MYO1B: variants seen among roughly 807,000 people sequenced by gnomAD.
MYO1B encodes the protein myosin IB.
MYO1B carries 72 observed loss-of-function variants against 159.7 expected under a neutral mutation model. The observed-to-expected ratio is 0.45, with a 90% CI of 0.37 to 0.55. The LOEUF (loss-of-function observed/expected upper bound fraction) is 0.55, where lower values mean the gene tolerates loss of function less well. Among genes scored for constraint, MYO1B ranks in the 20% least tolerant of loss-of-function variants. The pLI is 0.00. For missense variants in MYO1B, 1,062 were observed against 1,364.8 expected (o/e 0.78, Z 3.50); for synonymous variants, 468 against 473.8 (o/e 0.99, Z 0.16).
At chr2:191,370,933 C>G (rs112951257) in intron 13 of MYO1B, 1 of 152,000 alleles carries the variant, frequency 6.6e-6, no homozygotes, top group Admixed American at 6.6e-5. Flanking sequence ...ATATTTAAAC[C>G]ATTTGTGCTT....
At chr2:191,343,054 T>C (rs1692325317) in intron 5 of MYO1B, among the ~76,000 whole-genome samples, 1 of 152,186 alleles carries the variant, frequency 6.6e-6, no homozygotes, top group Admixed American at 6.5e-5. Flanking sequence ...GGATGGCCTG[T>C]CCTGTGCATC....
chr2:191,348,634 C>G (rs1042930970), intron 6 of MYO1B, among the ~76,000 whole-genome samples: 1 of 152,090 alleles, frequency 6.6e-6, no homozygotes, highest in Non-Finnish European at 1.5e-5. Flanking sequence ...TGGGCCTGTT[C>G]CTGTGACTCT....
At chr2:191,283,876 G>A (rs1688209259) in intron 2 of MYO1B, among the ~76,000 whole-genome samples, 1 of 152,200 alleles carries the variant, frequency 6.6e-6, no homozygotes, top group African/African-American at 2.4e-5. Context: ...AAATGACCTG[G>A]ACAAATAATC....
At chr2:191,283,139 A>G (rs1467882134) in intron 2 of MYO1B, among the ~76,000 whole-genome samples, 1 of 152,216 alleles carries the variant, frequency 6.6e-6, no homozygotes, top group Admixed American at 6.5e-5. Context: ...AACCCATGCA[A>G]ACTTTCCTAC....
At chr2:191,284,831 A>G (rs1313936538) in intron 2 of MYO1B, among the ~76,000 whole-genome samples, 2 of 152,024 alleles carry the variant, frequency 1.3e-5, no homozygotes, top group Non-Finnish European at 2.9e-5. Flanking sequence ...ACAGCGTTTC[A>G]CCATTTTGGC....
chr2:191,275,623 C>G (rs1220354896), intron 1 of MYO1B, among the ~76,000 whole-genome samples: 2 of 152,072 alleles, frequency 1.3e-5, no homozygotes, highest in Non-Finnish European at 2.9e-5. Context: ...CATAGTGTGC[C>G]GAAGTGACTC....
intron 1 of MYO1B, among the ~76,000 whole-genome samples, chr2:191,250,688 G>T (rs1412653646): frequency 6.6e-6 from 1 of 152,162 alleles, no homozygotes. Context: ...ACTTTCTGTA[G>T]GTTGATTTCC....
At chr2:191,396,952 G>A (rs1043752141) in intron 21 of MYO1B, among the ~76,000 whole-genome samples, 2 of 152,068 alleles carry the variant, frequency 1.3e-5, no homozygotes, top group African/African-American at 2.4e-5. Flanking sequence ...TGGAGGAGCC[G>A]TCACAGTGGA....
At chr2:191,338,909 C>G (rs1692033069) in intron 4 of MYO1B, among the ~76,000 whole-genome samples, 2 of 152,132 alleles carry the variant, frequency 1.3e-5, no homozygotes, top group Admixed American at 6.5e-5. Context: ...TGTATATTTG[C>G]CACTGTCTAA....
chr2:191,246,558 C>A (rs997292241), intron 1 of MYO1B, among the ~76,000 whole-genome samples: 14 of 149,628 alleles, frequency 9.4e-5, no homozygotes, highest in African/African-American at 3.6e-4. Flanking sequence ...AAGCCCCCCC[C>A]CCTTTTTTTT....
intron 22 of MYO1B, 60 bp downstream of exon 22, chr2:191,400,528 A>C (rs1696543854): frequency 6.4e-7 from 1 of 1,573,884 alleles, no homozygotes; most frequent in Middle Eastern, 1.7e-4. Flanking sequence ...GGAACCATGA[A>C]CCCTCGGCTT....
intron 3 of MYO1B, among the ~76,000 whole-genome samples, chr2:191,318,194 A>T (rs963247868): frequency 1.3e-5 from 2 of 152,182 alleles, no homozygotes; most frequent in African/African-American, 4.8e-5. Context: ...TGTACAGGCA[A>T]GGGACTCCTA....
chr2:191,354,776 A>G (rs554045093), intron 7 of MYO1B, among the ~76,000 whole-genome samples: 1 of 152,298 alleles, frequency 6.6e-6, no homozygotes, highest in East Asian at 1.9e-4. Context: ...AGCATATGGC[A>G]TGTCACTTCT....
intron 21 of MYO1B, 104 bp from the exon 22 acceptor site, chr2:191,400,278 T>C: frequency 8.2e-7 from 1 of 1,213,714 alleles, no homozygotes; most frequent in Non-Finnish European, 1.2e-6. Flanking sequence ...TTTATCACAA[T>C]AGCATGGGTG....
intron 1 of MYO1B, among the ~76,000 whole-genome samples, chr2:191,270,144 G>A (rs1438104680): frequency 2.0e-5 from 3 of 152,056 alleles, no homozygotes; most frequent in African/African-American, 7.2e-5. Flanking sequence ...CAGCTCCTGA[G>A]GAATGATGTC....
intron 5 of MYO1B, among the ~76,000 whole-genome samples, chr2:191,345,278 G>C (rs1179955840): frequency 6.6e-6 from 1 of 152,148 alleles, no homozygotes; most frequent in African/African-American, 2.4e-5. Context: ...GCACATTAAA[G>C]TTTGAAATGG....
At chr2:191,412,996 G>A (rs1697342004) in intron 27 of MYO1B, among the ~76,000 whole-genome samples, 1 of 152,068 alleles carries the variant, frequency 6.6e-6, no homozygotes, top group Admixed American at 6.5e-5. Flanking sequence ...CATCATATGG[G>A]TTATGAGTGA....
Position 191,414,647 on chromosome 2 carries a change from T to G in MYO1B, c.3137T>G (p.Phe1046Cys), listed in dbSNP as rs759789950. The G allele has an allele frequency of 6.2e-7, 1 of 1,612,286 alleles. No homozygotes were observed. Among genetic ancestry groups the G allele is most frequent in the Non-Finnish European group, 8.5e-7 (1 of 1,179,402 alleles). The change falls in exon 29 of 31, where the codon TTC becomes TGC. Residue 1046 changes from phenylalanine to cysteine, a missense_variant. By Grantham distance (205) the Phe-to-Cys change is radical (BLOSUM62 -2). Coordinates refer to ENST00000392318, the MANE Select transcript of MYO1B (RefSeq NM_001130158.3). ...TCAATGAGCTCACAAAATGATGGCT[T>G]CTTCGCCGTCCACCTCAAAGAGGTA... The part of the protein sequence containing the change: ...KVSMSSQNDG[F>C]FAVHLKEGSE...
Position 191,248,268 on chromosome 2 carries a change from C to G in MYO1B, c.-10+2642C>G, listed in dbSNP as rs533237689. 6.6e-5 allele frequency among the ~76,000 whole-genome samples: 10 copies of G among 152,308 alleles called. No homozygotes were observed. The South Asian group carries it at 1.9e-3, about 28-fold the overall frequency. On this transcript the variant is annotated intron_variant, in intron 1 of 30. Transcript: ENST00000392318. ...ATAAAGTGGGTGTTATCTTCATTTT[C>G]CAGTGGAAACTGAGGCCTGGAGGAG...
Sources: allele counts gnomAD v4.1 joint callset (sites outside exome capture counted in the v4.1 genomes callset), GRCh38; gene constraint gnomAD v4.1.1; transcripts MANE v1.5; gene names NCBI Gene and HGNC (gene_info 2026-07-23, HGNC 2026-07-21).